The following PPHLN1 variants were observed in gnomAD, a reference collection of about 807,000 sequenced individuals.
The protein encoded by PPHLN1 is periphilin 1, also known as periphilin-1.
Under a neutral mutation model 51.3 loss-of-function variants are expected in PPHLN1, and 29 were observed. The ratio of observed to expected loss-of-function variants is 0.57; its 90% CI spans 0.42 to 0.77. The LOEUF (loss-of-function observed/expected upper bound fraction) is 0.77. Among genes scored for constraint, PPHLN1 ranks in the 30% least tolerant of loss-of-function variants. The probability of loss-of-function intolerance (pLI) is 0.00; values close to 1 mark genes in which losing one functional copy is unlikely to be tolerated. For synonymous variants in PPHLN1, 147 were observed against 147.8 expected (o/e 0.99, Z 0.04); for missense variants, 436 against 438.4 (o/e 0.99, Z 0.05).
At chr12:42,412,073 C>G (rs2079906998) in intron 9 of PPHLN1, among the ~76,000 whole-genome samples, 1 of 151,976 alleles carries the variant, frequency 6.6e-6, no homozygotes, top group South Asian at 2.1e-4. Flanking sequence ...GGCGTGGTGG[C>G]ACGCATCTAT....
intron 2 of PPHLN1, among the ~76,000 whole-genome samples, chr12:42,350,972 G>C (rs1011728725): frequency 6.9e-6 from 1 of 143,890 alleles, no homozygotes; most frequent in African/African-American, 3.0e-5. Flanking sequence ...ACGGAGAGGA[G>C]GGAGAGGGGG....
chr12:42,348,568 T>C lies in PPHLN1; in HGVS notation c.73-3317T>C, dbSNP rs552877796. 5.3e-5 allele frequency among the ~76,000 whole-genome samples: 8 copies of C among 152,296 alleles called. No individual in the cohort carries two copies. In the South Asian group the frequency reaches 1.7e-3, roughly 32 times the overall value. On this transcript the variant is annotated intron_variant, in intron 2 of 9. Coordinates refer to ENST00000358314, the MANE Select transcript of PPHLN1 (RefSeq NM_201439.2). The stretch of plus-strand genomic sequence containing the variant: ...AATCCCCAGATAACTTTCTAATAAC[T>C]GGGGCAGTTGAACAAAGGAACAGAG...
At chr12:42,330,618 CAT>C (rs780813260) in intron 1 of PPHLN1, among the ~76,000 whole-genome samples, 2 of 152,220 alleles carry the variant, frequency 1.3e-5, no homozygotes, top group African/African-American at 4.8e-5. Context: ...CCATACAACA[CAT>C]GTTTCTGTGA....
intron 2 of PPHLN1, among the ~76,000 whole-genome samples, chr12:42,339,731 GT>G (rs1396870120): frequency 6.6e-6 from 1 of 152,120 alleles, no homozygotes; most frequent in African/African-American, 2.4e-5. Context: ...AAAGCTACTG[GT>G]GGTGGTTTCA....
chr12:42,342,532 G>T (rs2071660014), intron 2 of PPHLN1, among the ~76,000 whole-genome samples: 1 of 152,210 alleles, frequency 6.6e-6, no homozygotes, highest in South Asian at 2.1e-4. Flanking sequence ...AACATAAAAT[G>T]TCGATTTTTT....
chr12:42,384,862 C>G, intron 5 of PPHLN1, 78 bp from the exon 6 acceptor site: 1 of 1,388,418 alleles, frequency 7.2e-7, no homozygotes. Flanking sequence ...CTCATCACTC[C>G]TACTTCTGAG....
chr12:42,351,411 A>G (rs919805145), intron 2 of PPHLN1: 1 of 152,252 alleles, frequency 6.6e-6, no homozygotes, highest in African/African-American at 2.4e-5. Context: ...TGCTGGAAAA[A>G]TAGCAAAATG....
intron 4 of PPHLN1, among the ~76,000 whole-genome samples, chr12:42,371,326 C>T (rs1592487265): frequency 6.6e-6 from 1 of 151,978 alleles, no homozygotes; most frequent in East Asian, 1.9e-4. Flanking sequence ...CTATGTTGCC[C>T]ATGCTGGTCT....
downstream of PPHLN1, chr12:42,448,070 C>T (rs1167677592): frequency 2.2e-5 from 3 of 135,974 alleles, no homozygotes; most frequent in Non-Finnish European, 5.2e-5. Flanking sequence ...CCCCGCTTCC[C>T]TGGGGTTTTT....
chr12:42,386,139 C>T lies in PPHLN1; in HGVS notation c.568+1143C>T, dbSNP rs553851941. 9.2e-5 allele frequency among the ~76,000 whole-genome samples: 14 copies of T among 152,326 alleles called. 1 individual carries two copies. The South Asian group carries it at 2.3e-3, about 25-fold the overall frequency. The stretch of plus-strand genomic sequence containing the variant: ...TCAGCCTAGGGCAGGAGTCCTCAAC[C>T]TCTGCACAATTGACATGTAAGGCCA... On this transcript the variant is annotated intron_variant, in intron 6 of 9. Coordinates refer to ENST00000358314, the MANE Select transcript of PPHLN1 (RefSeq NM_201439.2).
intron 5 of PPHLN1, 33 bp downstream of exon 5, chr12:42,375,107 A>G: frequency 6.8e-7 from 1 of 1,480,956 alleles, no homozygotes; most frequent in Non-Finnish European, 9.3e-7. Flanking sequence ...TTTTTCTCTC[A>G]CAGTCTCCTC....
chr12:42,363,213 C>T (rs915348137), intron 4 of PPHLN1, among the ~76,000 whole-genome samples: 3 of 152,140 alleles, frequency 2.0e-5, no homozygotes, highest in African/African-American at 4.8e-5. Context: ...AAATTCCAGA[C>T]CTGACACCAG....
chr12:42,339,530 T>G (rs2071172462), intron 2 of PPHLN1, among the ~76,000 whole-genome samples: 2 of 152,148 alleles, frequency 1.3e-5, no homozygotes, highest in Non-Finnish European at 2.9e-5. Context: ...ATTCTTAACC[T>G]TTTTTTGTGC....
intron 2 of PPHLN1, among the ~76,000 whole-genome samples, chr12:42,338,582 G>A (rs2071034460): frequency 6.6e-6 from 1 of 152,222 alleles, no homozygotes; most frequent in Non-Finnish European, 1.5e-5. Flanking sequence ...GTATTTTAGA[G>A]TGTGGGGTTT....
rs1346652377 is a variant in PPHLN1 at position 42,441,554 on chromosome 12, A to AT, written c.*53dup. 14 of 1,473,436 alleles carry AT rather than the reference A, an allele frequency of 9.5e-6. No individual in the cohort carries two copies. The highest frequency in any genetic ancestry group is 1.3e-5 in the Non-Finnish European group (14 of 1,115,632). 91.3% of individuals were successfully genotyped at this position (1,473,436 alleles called of 1,614,324 possible). A position where few individuals can be genotyped will look rare whatever the true frequency, so the allele number is the denominator to read the frequency against. On this transcript the variant is annotated 3_prime_UTR_variant, in exon 10 of 10. Coordinates refer to ENST00000358314, the MANE Select transcript of PPHLN1 (RefSeq NM_201439.2). The stretch of plus-strand genomic sequence containing the variant: ...AAAAAAAAAAAAACAGTTTCTAAAA[A>AT]TTTTTTTTCCTGGATTGTGTAAATC...
intron 9 of PPHLN1, among the ~76,000 whole-genome samples, chr12:42,430,494 TG>T (rs112542042): frequency 4.0e-5 from 6 of 148,598 alleles, no homozygotes; most frequent in Non-Finnish European, 7.6e-5. Context: ...ATTCTTTTTT[TG>T]GTTTTGTTTT....
chr12:42,409,048 AGT>A (rs1439185899), intron 9 of PPHLN1, among the ~76,000 whole-genome samples: 1 of 152,220 alleles, frequency 6.6e-6, no homozygotes, highest in African/African-American at 2.4e-5. Flanking sequence ...ATAAAATAGA[AGT>A]ATTAAAATAA....
chr12:42,416,936 G>GA (rs1205040269), intron 9 of PPHLN1, among the ~76,000 whole-genome samples: 1 of 152,052 alleles, frequency 6.6e-6, no homozygotes, highest in Non-Finnish European at 1.5e-5. Flanking sequence ...TTGAAAGCCA[G>GA]AAAAAAAGTG....
chr12:42,438,793 G>A (rs979241828), intron 9 of PPHLN1, among the ~76,000 whole-genome samples: 1 of 152,050 alleles, frequency 6.6e-6, no homozygotes, highest in Non-Finnish European at 1.5e-5. Context: ...AGTAGAGATG[G>A]GGGTTTCATC....
Sources: gnomAD v4.1 joint callset for allele counts (sites outside exome capture counted in the v4.1 genomes callset) on GRCh38, gnomAD v4.1.1 for gene constraint, MANE v1.5 for transcripts, NCBI Gene and HGNC (gene_info 2026-07-23, HGNC 2026-07-21) for gene names.